STK40: variants seen among roughly 807,000 people sequenced by gnomAD.
STK40 encodes the protein serine/threonine kinase 40.
STK40 carries 13 observed loss-of-function variants against 47.9 expected under a neutral mutation model. The ratio of observed to expected loss-of-function variants is 0.27; its 90% confidence interval spans 0.18 to 0.43. STK40 has a LOEUF of 0.43. STK40 is among the 20% of genes least tolerant of loss of function. STK40 has a pLI of 1.00. For synonymous variants in STK40, 225 were observed against 243.2 expected (o/e 0.93, Z 0.69); for missense variants, 460 against 595.1 (o/e 0.77, Z 2.36).
In STK40 at chr1:36,348,782, G is replaced by C. The variant is rs374988648; in HGVS notation, c.657C>G (p.Leu219=). The change falls in exon 7 of 11, where the codon CTC becomes CTG. Residue 219 remains leucine, a synonymous_variant. Transcript: ENST00000373132. The part of the protein sequence containing the change: ...THRITITNFC[L]GKHLVSEGDL... ...CCCCCTCGCTCACCAGATGCTTCCC[G>C]AGGCAGAAGTTGGTGATGGTTATCC... 6 of 1,608,558 alleles carry C rather than the reference G, an allele frequency of 3.7e-6. No homozygotes were observed. The Admixed American group carries it at 1.0e-4, about 27-fold the overall frequency.
chr1:36,375,150 G>A lies in STK40; in HGVS notation c.-9+10573C>T, dbSNP rs1646980668. On this transcript the variant is annotated intron_variant, in intron 1 of 10. Transcript: ENST00000373132. ...ACAGGGACAGCGCTACTCCCAAAAA[G>A]GGTTCCCTTCAGGATTGCCAGGGCC... is the stretch of plus-strand genomic sequence containing the variant. 2.0e-5 allele frequency among the ~76,000 whole-genome samples: 3 copies of A among 152,174 alleles called. No homozygotes were observed. The South Asian group carries it at 6.2e-4, about 31-fold the overall frequency.
At chr1:36,358,131 G>GAC in intron 4 of STK40, 108 bp downstream of exon 4, 2 of 1,347,634 alleles carry the variant, frequency 1.5e-6, no homozygotes, top group South Asian at 3.7e-5. Context: ...GCATGGCAGG[G>GAC]ACACCCAAGG....
At chr1:36,353,427 C>T (rs1570442559) in intron 6 of STK40, among the ~76,000 whole-genome samples, 2 of 152,172 alleles carry the variant, frequency 1.3e-5, no homozygotes, top group East Asian at 1.9e-4. Context: ...GACCCTCTGT[C>T]GAGGCGGGAT....
intron 1 of STK40, among the ~76,000 whole-genome samples, chr1:36,365,073 C>T (rs1646889833): frequency 6.7e-6 from 1 of 149,974 alleles, no homozygotes; most frequent in African/African-American, 2.5e-5. Flanking sequence ...CTCACCGCAA[C>T]CTCCGCCTCC....
At chr1:36,378,750 C>G (rs1023483134) in intron 1 of STK40, among the ~76,000 whole-genome samples, 24 of 152,216 alleles carry the variant, frequency 1.6e-4, no homozygotes, top group Admixed American at 1.4e-3. Flanking sequence ...AGCCACCGTG[C>G]CAGCCGGGCC....
intron 1 of STK40, among the ~76,000 whole-genome samples, chr1:36,363,755 C>A (rs1349201889): frequency 6.8e-6 from 1 of 147,360 alleles, no homozygotes; most frequent in Non-Finnish European, 1.5e-5. Context: ...GCGGAGCTTG[C>A]AGTGAGCCCA....
chr1:36,375,518 A>G (rs958425210), intron 1 of STK40, among the ~76,000 whole-genome samples: 3 of 151,818 alleles, frequency 2.0e-5, no homozygotes, highest in Admixed American at 1.3e-4. Flanking sequence ...AAAAAAAAAA[A>G]AGAGAAATGT....
intron 4 of STK40, among the ~76,000 whole-genome samples, chr1:36,356,291 G>A (rs1408618517): frequency 4.6e-5 from 7 of 152,118 alleles, no homozygotes; most frequent in South Asian, 2.1e-4. Context: ...AAGGTATTTC[G>A]AGTAAGACAA....
intron 1 of STK40, 93 bp from the exon 2 acceptor site, chr1:36,361,433 A>G: frequency 6.4e-7 from 1 of 1,563,698 alleles, no homozygotes; most frequent in Non-Finnish European, 8.6e-7. Context: ...GGGATGCATC[A>G]CACAGCTGCC....
intron 1 of STK40, among the ~76,000 whole-genome samples, chr1:36,372,129 G>A (rs1646953608): frequency 6.6e-6 from 1 of 152,110 alleles, no homozygotes; most frequent in East Asian, 1.9e-4. Context: ...TGGAGGGCTG[G>A]TACATAATGA....
chr1:36,353,528 G>C (rs1002042798), intron 6 of STK40, among the ~76,000 whole-genome samples: 3 of 152,192 alleles, frequency 2.0e-5, no homozygotes, highest in African/African-American at 4.8e-5. Context: ...CAAGTCTAAG[G>C]CATGCTCTCC....
At chr1:36,384,419 A>G (rs1483606236) in intron 1 of STK40, among the ~76,000 whole-genome samples, 3 of 152,264 alleles carry the variant, frequency 2.0e-5, no homozygotes, top group Admixed American at 2.0e-4. Flanking sequence ...ATAAAAATAG[A>G]TAACATTTAT....
At chr1:36,371,685 C>CA (rs57138983) in intron 1 of STK40, among the ~76,000 whole-genome samples, 4,107 of 27,984 alleles carry the variant, frequency 0.15, 912 homozygotes, top group Non-Finnish European at 0.23. Flanking sequence ...ACCCTGTCTC[C>CA]AAAAAAAAAA....
intron 1 of STK40, chr1:36,367,774 G>C (rs2124744669): frequency 1.0e-6 from 1 of 983,144 alleles, no homozygotes; most frequent in East Asian, 1.1e-4. Context: ...CCAAGGCATG[G>C]AGGGTCCCCC....
intron 1 of STK40, among the ~76,000 whole-genome samples, chr1:36,363,835 T>C (rs1646876640): frequency 7.8e-6 from 1 of 128,706 alleles, no homozygotes; most frequent in Non-Finnish European, 1.6e-5. Context: ...AAAAAAAGAA[T>C]TAATAGTCAC....
chr1:36,341,694 C>T lies in STK40; in HGVS notation c.*61G>A, dbSNP rs1354698732. ...GCACTACAGGGCCCAGCCCTGACAG[C>T]CACGCCTTTGGCTGGGGCTGGAAGA... On this transcript the variant is annotated 3_prime_UTR_variant, in exon 11 of 11. Transcript: ENST00000373132. 12 of 1,587,760 alleles carry T rather than the reference C, an allele frequency of 7.6e-6. No individual in the cohort carries two copies. The highest frequency in any genetic ancestry group is 1.3e-5 in the African/African-American group (1 of 74,618).
chr1:36,356,142 A>G (rs1646801406), intron 4 of STK40, among the ~76,000 whole-genome samples: 1 of 152,140 alleles, frequency 6.6e-6, no homozygotes, highest in Admixed American at 6.5e-5. Context: ...CCCACAGCCC[A>G]AGAGAAGTAA....
intron 1 of STK40, 48 bp downstream of exon 1, chr1:36,385,675 T>G (rs1647080398): frequency 2.7e-5 from 4 of 150,324 alleles, no homozygotes; most frequent in African/African-American, 1.0e-4. Context: ...CCGCCCCGCC[T>G]ACCCGCAACC....
chr1:36,384,540 G>A (rs1312596410), intron 1 of STK40, among the ~76,000 whole-genome samples: 1 of 152,176 alleles, frequency 6.6e-6, no homozygotes, highest in Admixed American at 6.5e-5. Flanking sequence ...AGACACTGAG[G>A]CACAGGGAGA....
Sources: allele counts gnomAD v4.1 joint callset (sites outside exome capture counted in the v4.1 genomes callset), GRCh38; gene constraint gnomAD v4.1.1; transcripts MANE v1.5; gene names NCBI Gene and HGNC (gene_info 2026-07-23, HGNC 2026-07-21).